The following NFX1 variants were observed in gnomAD, a reference collection of about 807,000 sequenced individuals.
The protein encoded by NFX1 is transcriptional repressor NF-X1.
NFX1 carries 69 observed loss-of-function variants against 137.2 expected under a neutral mutation model. That is an observed-to-expected ratio of 0.50 (90% CI 0.41 to 0.61). The LOEUF (loss-of-function observed/expected upper bound fraction) is 0.61, where lower values mean the gene tolerates loss of function less well. Ranked by LOEUF, NFX1 falls within the 20% of genes least tolerant of loss-of-function variation. The probability of loss-of-function intolerance (pLI) is 0.00; values close to 1 mark genes in which losing one functional copy is unlikely to be tolerated. For synonymous variants in NFX1, 495 were observed against 474.1 expected (o/e 1.04, Z -0.57); for missense variants, 1,167 against 1,391.0 (o/e 0.84, Z 2.56).
chr9:33,291,567 A>G (rs1587809032), intron 1 of NFX1, among the ~76,000 whole-genome samples: 1 of 152,172 alleles, frequency 6.6e-6, no homozygotes, highest in East Asian at 1.9e-4. Context: ...GTATTTGTAT[A>G]CTGGGTGGCA....
chr9:33,342,198 G>T (rs1009774276), intron 12 of NFX1, among the ~76,000 whole-genome samples: 2 of 46,430 alleles, frequency 4.3e-5, no homozygotes, highest in East Asian at 1.3e-3. Flanking sequence ...ACTGGCTCAT[G>T]CCTGTAACCC....
chr9:33,344,214 T>G (rs775333664), intron 14 of NFX1, 26 bp downstream of exon 14: 1 of 1,612,752 alleles, frequency 6.2e-7, no homozygotes, highest in Non-Finnish European at 8.5e-7. Context: ...TCTTCACACT[T>G]CAGCCTGCTC....
At chr9:33,298,472 T>TA in intron 2 of NFX1, among the ~76,000 whole-genome samples, 1 of 152,292 alleles carries the variant, frequency 6.6e-6, no homozygotes, top group Middle Eastern at 3.4e-3. Context: ...GTCATGAACT[T>TA]ACATTCTAAA....
rs761495400 is a variant in NFX1 at position 33,364,093 on chromosome 9, T to C, written c.2957T>C (p.Leu986Ser). The change falls in exon 20 of 24, where the codon TTG becomes TCG. Residue 986 changes from leucine (L) to serine (S), a missense_variant. Leu to Ser is a moderately radical substitution (Grantham distance 145). Transcript: ENST00000379540. ...RSSGSKFSDSLKEDARKDLKF... is the reference protein window; with the variant it reads ...RSSGSKFSDSSKEDARKDLKF... ...TCAGGGTCAAAATTCAGTGATAGTT[T>C]GAAAGAAGATGCCAGGTATGTAACT... The C allele has an allele frequency of 1.2e-6, 2 of 1,603,022 alleles. No homozygotes were observed. The highest frequency in any genetic ancestry group is 1.7e-6 in the Non-Finnish European group (2 of 1,175,794).
intron 15 of NFX1, among the ~76,000 whole-genome samples, chr9:33,350,722 G>A (rs1823605705): frequency 6.6e-6 from 1 of 152,178 alleles, no homozygotes; most frequent in South Asian, 2.1e-4. Context: ...TGGATGCAGT[G>A]GCATGTACCT....
Position 33,342,137 on chromosome 9 carries a change from C to G in NFX1, c.2116-609C>G, listed in dbSNP as rs1038747098. ...TCTCTGTCTCTCTCTCTCACACACA[C>G]ACACACACACACACGATGTAAAAAT... On this transcript the variant is annotated intron_variant, in intron 12 of 23. Coordinates refer to ENST00000379540, the MANE Select transcript of NFX1 (RefSeq NM_002504.6). Among the ~76,000 whole-genome samples, 3 of 151,044 alleles carry G rather than the reference C, an allele frequency of 2.0e-5. No homozygotes were observed. The Admixed American group carries it at 2.0e-4, about 10-fold the overall frequency.
chr9:33,325,206 A>G (rs771549437), intron 9 of NFX1, among the ~76,000 whole-genome samples: 1 of 152,212 alleles, frequency 6.6e-6, no homozygotes, highest in Non-Finnish European at 1.5e-5. Flanking sequence ...TAAAAATGCT[A>G]AAAGTTAATG....
At chr9:33,334,899 T>C (rs1822941767) in intron 11 of NFX1, among the ~76,000 whole-genome samples, 1 of 152,202 alleles carries the variant, frequency 6.6e-6, no homozygotes, top group Admixed American at 6.5e-5. Context: ...ATTTCAACCA[T>C]ACGTGAAAGT....
At chr9:33,360,840 T>C (rs1233476425) in intron 19 of NFX1, among the ~76,000 whole-genome samples, 1 of 152,226 alleles carries the variant, frequency 6.6e-6, no homozygotes, top group East Asian at 1.9e-4. Flanking sequence ...AAATTGGAAA[T>C]CTAGCAGTGT....
At position 33,301,282 on chromosome 9, in the gene NFX1, A is replaced by G; in HGVS notation, c.1053A>G (p.Leu351=). The G allele has an allele frequency of 6.2e-7, 1 of 1,613,904 alleles. No homozygotes were observed. The highest frequency in any genetic ancestry group is 8.5e-7 in the Non-Finnish European group (1 of 1,179,960). Residue 351 remains leucine (L), a synonymous_variant, in exon 3 of 24, where the codon CTA becomes CTG. Coordinates refer to ENST00000379540, the MANE Select transcript of NFX1 (RefSeq NM_002504.6). ...AAACAGGTTCTCTAATTGAACAACT[A>G]ACAACAGAAAAATACGAGTGCATGG... ...ETHTGSLIEQ[L]TTEKYECMVC...
chr9:33,308,797 A>T (rs1201486851), intron 5 of NFX1, among the ~76,000 whole-genome samples: 1 of 152,156 alleles, frequency 6.6e-6, no homozygotes, highest in East Asian at 1.9e-4. Context: ...CTAAGAGTAA[A>T]CCAGACATCA....
At chr9:33,331,794 C>G (rs968091567) in intron 10 of NFX1, among the ~76,000 whole-genome samples, 1 of 151,678 alleles carries the variant, frequency 6.6e-6, no homozygotes, top group African/African-American at 2.4e-5. Flanking sequence ...ACATCAAAGC[C>G]AAAATCAGAT....
intron 14 of NFX1, among the ~76,000 whole-genome samples, chr9:33,345,290 A>G (rs1233394229): frequency 6.6e-6 from 1 of 152,140 alleles, no homozygotes; most frequent in African/African-American, 2.4e-5. Flanking sequence ...CAGTCTGGCC[A>G]ACATGGTAAA....
At chr9:33,316,230 A>G (rs1346675950) in intron 7 of NFX1, among the ~76,000 whole-genome samples, 5 of 151,984 alleles carry the variant, frequency 3.3e-5, no homozygotes, top group East Asian at 1.9e-4. Context: ...GCCTGTGCCC[A>G]GTTTGATTAT....
At chr9:33,354,734 T>G in intron 18 of NFX1, 117 bp from the exon 19 acceptor site, 1 of 896,772 alleles carries the variant, frequency 1.1e-6, no homozygotes, top group Non-Finnish European at 1.7e-6. Context: ...GCCTGAGGGA[T>G]TGTTTTTTGG....
At chr9:33,306,346 T>G (rs1821753220) in intron 4 of NFX1, among the ~76,000 whole-genome samples, 1 of 152,176 alleles carries the variant, frequency 6.6e-6, no homozygotes, top group Non-Finnish European at 1.5e-5. Context: ...TGACTGTGGA[T>G]AAAGCCAGTT....
chr9:33,338,137 C>T (rs1273884147), intron 11 of NFX1, among the ~76,000 whole-genome samples: 2 of 151,818 alleles, frequency 1.3e-5, no homozygotes, highest in Non-Finnish European at 2.9e-5. Flanking sequence ...GGTGGATCAC[C>T]TGAGATCAGG....
intron 6 of NFX1, 144 bp from the exon 7 acceptor site, chr9:33,313,510 G>A (rs1822041006): frequency 9.1e-6 from 6 of 661,104 alleles, no homozygotes; most frequent in Non-Finnish European, 1.6e-5. Flanking sequence ...ATTGGAGGAG[G>A]GAGACATAGG....
At chr9:33,342,322 C>T (rs1490583797) in intron 12 of NFX1, among the ~76,000 whole-genome samples, 2 of 151,954 alleles carry the variant, frequency 1.3e-5, no homozygotes, top group Non-Finnish European at 2.9e-5. Flanking sequence ...ATTAGCCAGG[C>T]ATGGTGGTGG....
Sources: gnomAD v4.1 joint callset for allele counts (sites outside exome capture counted in the v4.1 genomes callset) on GRCh38, gnomAD v4.1.1 for gene constraint, MANE v1.5 for transcripts, NCBI Gene and HGNC (gene_info 2026-07-23, HGNC 2026-07-21) for gene names.